HMGB1: variants seen among roughly 807,000 people sequenced by gnomAD.
The protein encoded by HMGB1 is high mobility group protein B1.
For missense variants in HMGB1, 79 were observed against 253.5 expected, an observed-to-expected ratio of 0.31 and a Z score of 4.67; for synonymous variants, 81 against 84.0, an observed-to-expected ratio of 0.96 and a Z score of 0.19.
At chr13:30,477,281 G>A (rs1014105507) in intron 1 of HMGB1, among the ~76,000 whole-genome samples, 1 of 144,448 alleles carries the variant, frequency 6.9e-6, no homozygotes, top group African/African-American at 2.7e-5. Flanking sequence ...GATGGACTCC[G>A]ATTTTTTTTT....
chr13:30,529,739 C>T (rs1056085147), intron 1 of HMGB1, among the ~76,000 whole-genome samples: 10 of 152,166 alleles, frequency 6.6e-5, no homozygotes, highest in Non-Finnish European at 8.8e-5. Context: ...TTCAGCCAGG[C>T]GGATTCAGGG....
intron 1 of HMGB1, among the ~76,000 whole-genome samples, chr13:30,513,205 C>T (rs1888031038): frequency 6.6e-6 from 1 of 152,062 alleles, no homozygotes; most frequent in African/African-American, 2.4e-5. Context: ...CCCAAAAAAC[C>T]CCACATGACT....
At chr13:30,536,135 T>C (rs949480781) in intron 1 of HMGB1, among the ~76,000 whole-genome samples, 1 of 152,206 alleles carries the variant, frequency 6.6e-6, no homozygotes, top group Non-Finnish European at 1.5e-5. Flanking sequence ...ATGTTTTATT[T>C]TCTCAAATTA....
intron 1 of HMGB1, among the ~76,000 whole-genome samples, chr13:30,472,288 A>C (rs1886963030): frequency 6.6e-6 from 1 of 151,834 alleles, no homozygotes; most frequent in African/African-American, 2.4e-5. Flanking sequence ...ACAAATAAAA[A>C]ACTCTGACGT....
Position 30,517,899 on chromosome 13 carries a change from A to AG in HMGB1, c.-14-54206dup, listed in dbSNP as rs1593286713. ...ATATCTCACCAGCAGAATTTACAGG[A>AG]GAACACTGGAAACTATAACTGTAGA... On this transcript the variant is annotated intron_variant, in intron 1 of 4. Transcript: ENST00000405805. 2.0e-5 allele frequency among the ~76,000 whole-genome samples: 3 copies of AG among 152,350 alleles called. No individual in the cohort carries two copies. The East Asian group carries it at 5.8e-4, about 29-fold the overall frequency.
intron 1 of HMGB1, chr13:30,465,092 G>T: frequency 1.1e-6 from 1 of 925,022 alleles, no homozygotes; most frequent in Non-Finnish European, 1.3e-6. Flanking sequence ...GCTGCGCCCA[G>T]CTCCCCCGCC....
chr13:30,602,664 AC>A (rs1418565505), intron 1 of HMGB1, among the ~76,000 whole-genome samples: 1 of 152,094 alleles, frequency 6.6e-6, no homozygotes, highest in Non-Finnish European at 1.5e-5. Context: ...GTTGTACTCA[AC>A]ACTTCAATAA....
At chr13:30,463,851 A>C (rs184566952) in intron 1 of HMGB1, 157 bp from the exon 2 acceptor site, 6 of 585,312 alleles carry the variant, frequency 1.0e-5, no homozygotes, top group Admixed American at 3.3e-5. Context: ...CCGAGAGATT[A>C]AATTCCTTGA....
chr13:30,578,368 C>CT (rs60947686), intron 1 of HMGB1, among the ~76,000 whole-genome samples: 3,105 of 59,254 alleles, frequency 0.052, 590 homozygotes, highest in East Asian at 0.11. Context: ...AGTTCTTGTT[C>CT]TTTTTTTTTT....
chr13:30,481,136 G>A (rs1887217246), intron 1 of HMGB1, among the ~76,000 whole-genome samples: 2 of 151,752 alleles, frequency 1.3e-5, no homozygotes, highest in African/African-American at 4.8e-5. Context: ...ATAACAAGTT[G>A]TTTTCAAGTA....
intron 1 of HMGB1, among the ~76,000 whole-genome samples, chr13:30,505,922 G>A (rs1284210066): frequency 3.3e-5 from 5 of 151,774 alleles, no homozygotes; most frequent in Admixed American, 1.3e-4. Flanking sequence ...ACAGGGTTTT[G>A]TCATGTTCGC....
chr13:30,609,106 AC>A (rs1169165443), intron 1 of HMGB1, among the ~76,000 whole-genome samples: 1 of 151,134 alleles, frequency 6.6e-6, no homozygotes, highest in Non-Finnish European at 1.5e-5. Context: ...TACTAAAAAT[AC>A]AAAAAATTAG....
chr13:30,556,082 G>A (rs1211900083), intron 1 of HMGB1, among the ~76,000 whole-genome samples: 1 of 152,200 alleles, frequency 6.6e-6, no homozygotes, highest in Non-Finnish European at 1.5e-5. Context: ...GGAGATACCA[G>A]TATGTCTTCA....
intron 1 of HMGB1, among the ~76,000 whole-genome samples, chr13:30,578,368 C>CTTTT (rs60947686): frequency 3.9e-4 from 23 of 59,322 alleles, no homozygotes; most frequent in African/African-American, 8.0e-4. Context: ...AGTTCTTGTT[C>CTTTT]TTTTTTTTTT....
intron 1 of HMGB1, among the ~76,000 whole-genome samples, chr13:30,615,517 A>G (rs1201292848): frequency 6.6e-6 from 1 of 152,212 alleles, no homozygotes; most frequent in Non-Finnish European, 1.5e-5. Flanking sequence ...AGTTCAGGTC[A>G]TATTTTGCTA....
At chr13:30,598,332 T>C (rs915187857) in intron 1 of HMGB1, among the ~76,000 whole-genome samples, 3 of 152,278 alleles carry the variant, frequency 2.0e-5, no homozygotes, top group African/African-American at 7.2e-5. Context: ...GGCCAGAGAC[T>C]CATTTTAAAG....
intron 1 of HMGB1, among the ~76,000 whole-genome samples, chr13:30,549,831 C>T (rs1340486598): frequency 2.6e-5 from 4 of 152,070 alleles, no homozygotes; most frequent in Non-Finnish European, 5.9e-5. Flanking sequence ...ATTCTCCTGC[C>T]TCAGCTTCCC....
At chr13:30,589,357 G>A (rs1421331157) in intron 1 of HMGB1, among the ~76,000 whole-genome samples, 2 of 152,122 alleles carry the variant, frequency 1.3e-5, no homozygotes, top group African/African-American at 4.8e-5. Context: ...GATTAAAGCT[G>A]TCTAGGGTCA....
intron 1 of HMGB1, among the ~76,000 whole-genome samples, chr13:30,609,160 C>T (rs1950489522): frequency 6.6e-6 from 1 of 152,040 alleles, no homozygotes; most frequent in Non-Finnish European, 1.5e-5. Context: ...CTACTCAGGA[C>T]GCTGAGGCAG....
Sources: gnomAD v4.1 joint callset for allele counts (sites outside exome capture counted in the v4.1 genomes callset) on GRCh38, gnomAD v4.1.1 for gene constraint, MANE v1.5 for transcripts, NCBI Gene and HGNC (gene_info 2026-07-23, HGNC 2026-07-21) for gene names.